Variants in SUGP1 observed in about 807,000 individuals in gnomAD.
SUGP1 encodes the protein SURP and G-patch domain-containing protein 1.
In SUGP1, 34 loss-of-function variants were observed where a neutral mutation model predicts 76.5. The observed-to-expected ratio is 0.44, with a 90% confidence interval of 0.34 to 0.59. The LOEUF (loss-of-function observed/expected upper bound fraction) is 0.59. SUGP1 is among the 20% of genes least tolerant of loss of function. The pLI, the probability that SUGP1 is intolerant of heterozygous loss-of-function variation, is 0.01. For synonymous variants in SUGP1, 326 were observed against 326.2 expected (o/e 1.00, Z 0.01); for missense variants, 752 against 851.7 (o/e 0.88, Z 1.46).
intron 4 of SUGP1, 47 bp from the exon 5 acceptor site, chr19:19,303,894 G>A: frequency 6.2e-7 from 1 of 1,611,748 alleles, no homozygotes; most frequent in East Asian, 2.2e-5. Flanking sequence ...ACACCCCACA[G>A]TCAATAGGCA....
chr19:19,290,295 G>A (rs1422778783), intron 8 of SUGP1, among the ~76,000 whole-genome samples: 1 of 152,144 alleles, frequency 6.6e-6, no homozygotes, highest in Non-Finnish European at 1.5e-5. Flanking sequence ...ATCTATACAA[G>A]GAGAACTGAG....
intron 12 of SUGP1, among the ~76,000 whole-genome samples, 183 bp from the exon 13 acceptor site, chr19:19,277,259 G>A (rs991097107): frequency 6.7e-6 from 1 of 150,164 alleles, no homozygotes; most frequent in Non-Finnish European, 1.5e-5. Flanking sequence ...GGCGGGGGGG[G>A]GGGGCCTAGG....
intron 2 of SUGP1, among the ~76,000 whole-genome samples, chr19:19,314,317 G>T (rs938317166): frequency 1.3e-5 from 2 of 151,332 alleles, no homozygotes; most frequent in African/African-American, 4.9e-5. Flanking sequence ...AGCAAGACTC[G>T]TCTCAAAAAT....
intron 7 of SUGP1, 55 bp downstream of exon 7, chr19:19,302,210 T>C: frequency 6.2e-7 from 1 of 1,606,952 alleles, no homozygotes; most frequent in South Asian, 1.1e-5. Flanking sequence ...TGTCCTCCCC[T>C]GCAGGGGGAC....
At chr19:19,299,011 T>C (rs969071910) in intron 7 of SUGP1, among the ~76,000 whole-genome samples, 2 of 152,200 alleles carry the variant, frequency 1.3e-5, no homozygotes, top group African/African-American at 4.8e-5. Flanking sequence ...ACACCCCATC[T>C]AGAACACGGC....
intron 9 of SUGP1, 48 bp downstream of exon 9, chr19:19,280,135 ACT>A: frequency 6.4e-7 from 1 of 1,563,654 alleles, no homozygotes; most frequent in Non-Finnish European, 8.8e-7. Context: ...AGAGGACAAC[ACT>A]CTATGGGCGC....
chr19:19,315,968 A>G (rs1287910020), intron 2 of SUGP1, among the ~76,000 whole-genome samples: 1 of 151,884 alleles, frequency 6.6e-6, no homozygotes, highest in Non-Finnish European at 1.5e-5. Context: ...AGCAGCTGGG[A>G]CTACAGGCAC....
intron 11 of SUGP1, among the ~76,000 whole-genome samples, chr19:19,278,203 T>C (rs1199966035): frequency 7.9e-5 from 12 of 152,200 alleles, no homozygotes. Flanking sequence ...AGCAATTTGT[T>C]GTACAAGGTA....
At chr19:19,318,929 A>G (rs1956527796) in intron 1 of SUGP1, among the ~76,000 whole-genome samples, 1 of 152,198 alleles carries the variant, frequency 6.6e-6, no homozygotes, top group Admixed American at 6.6e-5. Flanking sequence ...CCAAATTTTA[A>G]AAGTCTGAGC....
intron 3 of SUGP1, among the ~76,000 whole-genome samples, chr19:19,308,942 C>T (rs1161283727): frequency 6.6e-6 from 1 of 152,100 alleles, no homozygotes; most frequent in African/African-American, 2.4e-5. Flanking sequence ...TCTTGGCTCA[C>T]CTCAACCTCC....
chr19:19,318,110 C>CTTCTT (rs200927673), intron 1 of SUGP1, among the ~76,000 whole-genome samples: 13 of 107,070 alleles, frequency 1.2e-4, no homozygotes, highest in Admixed American at 2.8e-4. Flanking sequence ...CGAACCCAGC[C>CTTCTT]TTCTTTTTTT....
At chr19:19,315,143 A>G (rs1034164034) in intron 2 of SUGP1, among the ~76,000 whole-genome samples, 1 of 152,244 alleles carries the variant, frequency 6.6e-6, no homozygotes, top group Non-Finnish European at 1.5e-5. Flanking sequence ...CCTGGGCAAC[A>G]TAACAAGACC....
chr19:19,279,151 T>G, intron 10 of SUGP1, 62 bp downstream of exon 10: 1 of 1,479,684 alleles, frequency 6.8e-7, no homozygotes, highest in Non-Finnish European at 9.0e-7. Context: ...CAGGTAACCT[T>G]CCAGGGCAGG....
At chr19:19,317,611 C>T (rs548710697) in intron 1 of SUGP1, among the ~76,000 whole-genome samples, 1 of 151,864 alleles carries the variant, frequency 6.6e-6, no homozygotes, top group Non-Finnish European at 1.5e-5. Flanking sequence ...TCCGCCTCCC[C>T]GGCTCAAGCA....
At chr19:19,290,450 C>T (rs2061172825) in intron 8 of SUGP1, among the ~76,000 whole-genome samples, 1 of 152,126 alleles carries the variant, frequency 6.6e-6, no homozygotes, top group African/African-American at 2.4e-5. Flanking sequence ...GCGAGACCAG[C>T]CTGGCCAACG....
intron 6 of SUGP1, 60 bp downstream of exon 6, chr19:19,303,288 A>T: frequency 6.9e-7 from 1 of 1,457,316 alleles, no homozygotes; most frequent in South Asian, 1.1e-5. Flanking sequence ...CCGATTCCGC[A>T]TTGGGGCACG....
At position 19,276,504 on chromosome 19, in the gene SUGP1, A is replaced by G. The variant is rs1216911498; in HGVS notation, c.*144T>C. ...AGGAGGGGCTTCCTGCAACAGGACCAGGCATCTGTGGTGGATGAGCACTGG... is the reference window on the plus strand; with the variant it reads ...AGGAGGGGCTTCCTGCAACAGGACCGGGCATCTGTGGTGGATGAGCACTGG... On this transcript the variant is annotated 3_prime_UTR_variant, in exon 14 of 14. Transcript: ENST00000247001. The G allele has an allele frequency of 2.1e-6, 2 of 942,932 alleles. No homozygotes were observed. 58.4% of individuals were successfully genotyped at this position (942,932 alleles called of 1,614,324 possible). A position where few individuals can be genotyped will look rare whatever the true frequency, so the allele number is the denominator to read the frequency against.
intron 1 of SUGP1, among the ~76,000 whole-genome samples, chr19:19,318,420 GTTT>G (rs973581861): frequency 6.6e-6 from 1 of 151,012 alleles, no homozygotes; most frequent in Admixed American, 6.6e-5. Context: ...ACACCCAGCC[GTTT>G]TTTTTGTTTT....
intron 4 of SUGP1, among the ~76,000 whole-genome samples, chr19:19,304,275 T>C (rs1199876278): frequency 6.6e-6 from 1 of 152,194 alleles, no homozygotes; most frequent in African/African-American, 2.4e-5. Context: ...TTTCGATCCA[T>C]GGCAACTAGT....
Sources: gnomAD v4.1 joint callset for allele counts (sites outside exome capture counted in the v4.1 genomes callset) on GRCh38, gnomAD v4.1.1 for gene constraint, MANE v1.5 for transcripts, NCBI Gene and HGNC (gene_info 2026-07-23, HGNC 2026-07-21) for gene names.